The following COLEC10 variants were observed in gnomAD, a reference collection of about 807,000 sequenced individuals.
The protein encoded by COLEC10 is collectin-10.
Under a neutral mutation model 28.4 loss-of-function variants are expected in COLEC10, and 22 were observed. The ratio of observed to expected loss-of-function variants is 0.78; its 90% CI spans 0.55 to 1.11. The LOEUF (loss-of-function observed/expected upper bound fraction) is 1.11. Ranked by LOEUF, COLEC10 falls within the 50% of genes least tolerant of loss-of-function variation. The probability of loss-of-function intolerance (pLI) is 0.00; values close to 1 mark genes in which losing one functional copy is unlikely to be tolerated. For synonymous variants in COLEC10, 125 were observed against 116.1 expected (o/e 1.08, Z -0.49); for missense variants, 361 against 344.1 (o/e 1.05, Z -0.39).
At chr8:118,984,876 T>A in the COLEC10 span, among the ~76,000 whole-genome samples, 1 of 152,220 alleles carries the variant, frequency 6.6e-6, no homozygotes, top group Middle Eastern at 3.4e-3. Context: ...GCAAGTCACA[T>A]CTTACGTGGA....
At chr8:118,999,522 C>T (rs1225039473) in intron 1 of COLEC10, among the ~76,000 whole-genome samples, 7 of 150,232 alleles carry the variant, frequency 4.7e-5, no homozygotes, top group East Asian at 2.0e-4. Context: ...ACCCAGGAGG[C>T]GGAGGTTGCA....
chr8:119,090,787 A>G (rs1815575344), intron 2 of COLEC10, among the ~76,000 whole-genome samples: 1 of 152,218 alleles, frequency 6.6e-6, no homozygotes, highest in African/African-American at 2.4e-5. Flanking sequence ...ATAGAATTCC[A>G]GAAGGAAGAC....
the COLEC10 span, among the ~76,000 whole-genome samples, chr8:118,957,119 G>A: frequency 2.0e-5 from 3 of 152,184 alleles, no homozygotes; most frequent in South Asian, 2.1e-4. Flanking sequence ...AATCAGGAAA[G>A]AAAGTATGTC....
chr8:119,105,717 T>G (rs1157467300), intron 5 of COLEC10, 83 bp from the exon 6 acceptor site: 1 of 1,211,208 alleles, frequency 8.3e-7, no homozygotes, highest in African/African-American at 1.6e-5. Context: ...AATAAATAAA[T>G]GTAAATCTGG....
intron 2 of COLEC10, among the ~76,000 whole-genome samples, chr8:119,021,509 G>C (rs147548637): frequency 6.6e-6 from 1 of 152,278 alleles, no homozygotes; most frequent in East Asian, 1.9e-4. Flanking sequence ...GCTGGAGCTG[G>C]TAGAGGCCAA....
At chr8:118,984,730 A>G in the COLEC10 span, among the ~76,000 whole-genome samples, 1 of 152,104 alleles carries the variant, frequency 6.6e-6, no homozygotes, top group Non-Finnish European at 1.5e-5. Flanking sequence ...AAAGGGAGGT[A>G]TATTAGTTTG....
At chr8:119,087,881 T>G (rs982691901) in intron 1 of COLEC10, among the ~76,000 whole-genome samples, 2 of 152,198 alleles carry the variant, frequency 1.3e-5, no homozygotes, top group Non-Finnish European at 1.5e-5. Context: ...TAGTCTCATT[T>G]TTTTTTCATT....
chr8:119,000,258 A>C (rs1395569308), intron 1 of COLEC10, among the ~76,000 whole-genome samples: 1 of 152,150 alleles, frequency 6.6e-6, no homozygotes, highest in Non-Finnish European at 1.5e-5. Context: ...TGAGAGTGAG[A>C]GGGGAAGAAA....
the COLEC10 span, among the ~76,000 whole-genome samples, chr8:118,958,797 G>A: frequency 4.5e-3 from 680 of 152,220 alleles, 9 homozygotes; most frequent in South Asian, 0.021. Context: ...TCTTGACCAC[G>A]ATGCCAATTC....
intron 2 of COLEC10, among the ~76,000 whole-genome samples, chr8:119,061,488 A>G (rs1814855758): frequency 6.6e-6 from 1 of 151,958 alleles, no homozygotes; most frequent in Non-Finnish European, 1.5e-5. Context: ...GAGAAAACAT[A>G]TTCTATAGAA....
intron 1 of COLEC10, among the ~76,000 whole-genome samples, chr8:119,003,983 G>A (rs1216964877): frequency 1.3e-5 from 2 of 152,102 alleles, no homozygotes; most frequent in Admixed American, 1.3e-4. Flanking sequence ...AACTTTTAAA[G>A]AGAAATTGGG....
intron 1 of COLEC10, among the ~76,000 whole-genome samples, chr8:119,084,502 C>T (rs1231268232): frequency 6.6e-6 from 1 of 152,204 alleles, no homozygotes. Flanking sequence ...CTTAGGCTTA[C>T]TCCTCTGAAT....
chr8:119,088,975 TAGTG>T, intron 1 of COLEC10, among the ~76,000 whole-genome samples: 1 of 152,216 alleles, frequency 6.6e-6, no homozygotes, highest in Middle Eastern at 3.4e-3. Context: ...TTTCTCCAGA[TAGTG>T]AGTGGTGGAG....
chr8:119,044,218 C>T (rs961380018), intron 2 of COLEC10, among the ~76,000 whole-genome samples: 1 of 152,210 alleles, frequency 6.6e-6, no homozygotes, highest in Non-Finnish European at 1.5e-5. Context: ...AATTAACACA[C>T]ACGTTTCATG....
At chr8:118,979,238 A>G in the COLEC10 span, among the ~76,000 whole-genome samples, 1 of 152,004 alleles carries the variant, frequency 6.6e-6, no homozygotes, top group Admixed American at 6.6e-5. Flanking sequence ...CAGCTCATTG[A>G]AGCTCCACCA....
intron 2 of COLEC10, among the ~76,000 whole-genome samples, chr8:119,050,331 G>A (rs1333552943): frequency 2.0e-5 from 3 of 152,076 alleles, no homozygotes; most frequent in Non-Finnish European, 4.4e-5. Flanking sequence ...AGGTTCATTT[G>A]GCCTACAAAA....
At chr8:118,997,482 G>C (rs1212980757) in intron 1 of COLEC10, among the ~76,000 whole-genome samples, 2 of 151,916 alleles carry the variant, frequency 1.3e-5, no homozygotes, top group African/African-American at 4.8e-5. Context: ...GTTTAGTTTT[G>C]TTCACAAATA....
In COLEC10 at chr8:119,057,039, C is replaced by T. The variant is rs73709545; in HGVS notation, n.236-32641C>T. ...TTTACTTGGATAACTGACAAGTTTT[C>T]TAAAATCCTGCTGATATGGTTTGGC... On this transcript the variant is annotated intron_variant and non_coding_transcript_variant, in intron 2 of 6. Transcript: ENST00000521788. 2.0e-3 allele frequency among the ~76,000 whole-genome samples: 298 copies of T among 152,136 alleles called. 2 individuals carry two copies. The highest frequency in any genetic ancestry group is 6.8e-3 in the African/African-American group (283 of 41,538).
chr8:119,016,112 C>T, intron 2 of COLEC10, among the ~76,000 whole-genome samples: 1 of 152,052 alleles, frequency 6.6e-6, no homozygotes, highest in East Asian at 1.9e-4. Flanking sequence ...GTGCACCTAT[C>T]AACCTGTCAT....
Sources: allele counts gnomAD v4.1 joint callset (sites outside exome capture counted in the v4.1 genomes callset), GRCh38; gene constraint gnomAD v4.1.1; transcripts MANE v1.5; gene names NCBI Gene and HGNC (gene_info 2026-07-23, HGNC 2026-07-21).